Variants in ZNF445 observed in about 807,000 individuals in gnomAD.
The protein encoded by ZNF445 is zinc finger protein 445.
ZNF445 carries 19 observed loss-of-function variants against 93.9 expected under a neutral mutation model. The ratio of observed to expected loss-of-function variants is 0.20; its 90% CI spans 0.14 to 0.30. The LOEUF (loss-of-function observed/expected upper bound fraction) is 0.30, where lower values mean the gene tolerates loss of function less well. Among genes scored for constraint, ZNF445 ranks in the 10% least tolerant of loss-of-function variants. ZNF445 has a pLI of 1.00. For synonymous variants in ZNF445, 449 were observed against 446.3 expected, an observed-to-expected ratio of 1.01 and a Z score of -0.08; for missense variants, 1,058 against 1,259.4, an observed-to-expected ratio of 0.84 and a Z score of 2.42.
At chr3:44,477,266 G>C (rs1698374779) in intron 1 of ZNF445, among the ~76,000 whole-genome samples, 1 of 152,228 alleles carries the variant, frequency 6.6e-6, no homozygotes, top group South Asian at 2.1e-4. Flanking sequence ...CAGGATTGCG[G>C]CTACTTTTAC....
intron 1 of ZNF445, among the ~76,000 whole-genome samples, chr3:44,474,358 T>C (rs1427695586): frequency 6.6e-6 from 1 of 151,804 alleles, no homozygotes; most frequent in Admixed American, 6.6e-5. Flanking sequence ...CTACTAAAAA[T>C]ACAAAATTAG....
chr3:44,468,199 C>T (rs1198335775), intron 1 of ZNF445, among the ~76,000 whole-genome samples: 1 of 152,142 alleles, frequency 6.6e-6, no homozygotes, highest in East Asian at 1.9e-4. Context: ...AATCAACAGC[C>T]TTTTCCCACC....
At chr3:44,458,031 A>AG (rs1214395049) in intron 2 of ZNF445, among the ~76,000 whole-genome samples, 1 of 150,676 alleles carries the variant, frequency 6.6e-6, no homozygotes, top group Non-Finnish European at 1.5e-5. Context: ...AAAAAAAAAA[A>AG]GGATCAGACT....
At chr3:44,466,690 A>C (rs1698200200) in intron 1 of ZNF445, among the ~76,000 whole-genome samples, 1 of 152,124 alleles carries the variant, frequency 6.6e-6, no homozygotes, top group Non-Finnish European at 1.5e-5. Context: ...AGCAGGTATA[A>C]AATTTAACAG....
intron 1 of ZNF445, among the ~76,000 whole-genome samples, chr3:44,475,096 C>G (rs1338739130): frequency 6.6e-6 from 1 of 151,506 alleles, no homozygotes; most frequent in African/African-American, 2.4e-5. Flanking sequence ...AGAGCGTTAA[C>G]TCTGTCTCAA....
intron 1 of ZNF445, among the ~76,000 whole-genome samples, chr3:44,461,620 T>G (rs1020989636): frequency 2.7e-4 from 41 of 152,314 alleles, no homozygotes; most frequent in Middle Eastern, 6.8e-3. Context: ...GAATTAACAT[T>G]CATAGGTTGT....
intron 1 of ZNF445, among the ~76,000 whole-genome samples, chr3:44,474,238 G>C (rs1427163170): frequency 6.6e-6 from 1 of 152,166 alleles, no homozygotes; most frequent in East Asian, 1.9e-4. Context: ...ATATAAGGCC[G>C]GCACGGTGGC....
intron 1 of ZNF445, among the ~76,000 whole-genome samples, chr3:44,462,463 G>A (rs1346777731): frequency 1.3e-5 from 2 of 152,122 alleles, no homozygotes; most frequent in African/African-American, 2.4e-5. Context: ...AGTAGAAACC[G>A]CTCATTGCTC....
chr3:44,456,440 A>G (rs937233757), intron 2 of ZNF445, among the ~76,000 whole-genome samples: 1 of 152,150 alleles, frequency 6.6e-6, no homozygotes, highest in Non-Finnish European at 1.5e-5. Flanking sequence ...AAGCAAGCAA[A>G]CAAACAAAAC....
At chr3:44,474,999 A>G (rs1284445750) in intron 1 of ZNF445, among the ~76,000 whole-genome samples, 3 of 151,892 alleles carry the variant, frequency 2.0e-5, no homozygotes, top group Non-Finnish European at 2.9e-5. Context: ...TCAGGAGGCT[A>G]AGGAGGGATA....
At chr3:44,476,731 G>A (rs1161398292) in intron 1 of ZNF445, among the ~76,000 whole-genome samples, 1 of 152,150 alleles carries the variant, frequency 6.6e-6, no homozygotes, top group African/African-American at 2.4e-5. Flanking sequence ...TTAGAGCTCT[G>A]CCTTTGTTTA....
Position 44,447,409 on chromosome 3 carries a change from G to A in ZNF445, c.2262C>T (p.Ser754=). 6.2e-7 allele frequency: 1 copy of A among 1,614,186 alleles called. No individual in the cohort carries two copies. Among genetic ancestry groups the A allele is most frequent in the South Asian group, 1.1e-5 (1 of 91,088 alleles). The change falls in exon 8 of 8, where the codon AGC becomes AGT. Residue 754 remains serine, a synonymous_variant. Transcript: ENST00000396077. This position sits in a 1 kb window ranked among gnomAD's most constrained non-coding sequence, Gnocchi z 4.7. The stretch of plus-strand genomic sequence containing the variant: ...TGTAGGGCTCCTCTTTGGAGTGACT[G>A]CTCTGAGGAACCTGGAACACTGTGT... ...SQDTVFQVPQ[S]SHSKEEPYKC... is the part of the protein sequence containing the mutation.
At chr3:44,450,267 G>A in intron 6 of ZNF445, 180 bp downstream of exon 6, 1 of 694,578 alleles carries the variant, frequency 1.4e-6, no homozygotes. Context: ...AATCCAGAAT[G>A]GCAGGCATTA....
rs1231515310 is a variant in ZNF445, at chr3:44,448,392, G to A, written c.1279C>T (p.His427Tyr). ...CGKHFRMSSH[H>Y]YDYKKYGKGL... The stretch of plus-strand genomic sequence containing the variant: ...TTCCCATATTTCTTGTAGTCATAGT[G>A]GTGTGAACTCATTCTGAAGTGTTTG... Residue 427 changes from histidine to tyrosine, a missense_variant, in exon 8 of 8, where the codon CAC (histidine) becomes TAC (tyrosine). Transcript: ENST00000396077. 6.2e-7 allele frequency: 1 copy of A among 1,614,194 alleles called. No homozygotes were observed. The highest frequency in any genetic ancestry group is 8.5e-7 in the Non-Finnish European group (1 of 1,180,026).
chr3:44,457,495 T>C (rs1698045170), intron 2 of ZNF445, among the ~76,000 whole-genome samples: 1 of 152,074 alleles, frequency 6.6e-6, no homozygotes, highest in Admixed American at 6.6e-5. Flanking sequence ...TGGCCTCAGG[T>C]GATCAATCCT....
chr3:44,454,558 C>T (rs1429204786), intron 3 of ZNF445, among the ~76,000 whole-genome samples: 2 of 152,196 alleles, frequency 1.3e-5, no homozygotes, highest in Non-Finnish European at 2.9e-5. Context: ...ACCTCAGTCC[C>T]CCAAGTAGCT....
At chr3:44,463,849 T>A (rs1698154811) in intron 1 of ZNF445, among the ~76,000 whole-genome samples, 1 of 152,126 alleles carries the variant, frequency 6.6e-6, no homozygotes, top group Non-Finnish European at 1.5e-5. Flanking sequence ...CACTGTCGAC[T>A]GGTCATGGTA....
chr3:44,461,315 T>C (rs1698111642), intron 1 of ZNF445, among the ~76,000 whole-genome samples: 1 of 152,182 alleles, frequency 6.6e-6, no homozygotes, highest in South Asian at 2.1e-4. Context: ...GGAAGAGTCC[T>C]GGTTTGGAAG....
At chr3:44,463,009 CTTTGTGTGTG>C (rs1419072059) in intron 1 of ZNF445, among the ~76,000 whole-genome samples, 8 of 94,770 alleles carry the variant, frequency 8.4e-5, no homozygotes, top group Admixed American at 2.7e-4. Context: ...TTATTTTTTT[CTTTGTGTGTG>C]TGTGTGTGTG....
Sources: allele counts gnomAD v4.1 joint callset (sites outside exome capture counted in the v4.1 genomes callset), GRCh38; gene constraint gnomAD v4.1.1; non-coding constraint Gnocchi (gnomAD v3.1); transcripts MANE v1.5; gene names NCBI Gene and HGNC (gene_info 2026-07-23, HGNC 2026-07-21).